Variants in INSC observed in about 807,000 individuals in gnomAD.
INSC encodes the protein protein inscuteable homolog.
Under a neutral mutation model 58.6 loss-of-function variants are expected in INSC, and 67 were observed. The ratio of observed to expected loss-of-function variants is 1.14; its 90% confidence interval spans 0.94 to 1.40. The LOEUF is 1.40. INSC is among the 40% of genes most tolerant of loss of function. The probability of loss-of-function intolerance (pLI) is 0.00; values close to 1 mark genes in which losing one functional copy is unlikely to be tolerated. For missense variants in INSC, 714 were observed against 692.0 expected (o/e 1.03, Z -0.36); for synonymous variants, 262 against 276.1 (o/e 0.95, Z 0.51).
intron 12 of INSC, among the ~76,000 whole-genome samples, chr11:15,242,152 C>T (rs998196596): frequency 6.6e-6 from 1 of 152,148 alleles, no homozygotes; most frequent in African/African-American, 2.4e-5. Context: ...TAATGATTGG[C>T]CCCAACTACC....
chr11:15,199,226 G>A (rs1488619628), intron 6 of INSC, among the ~76,000 whole-genome samples: 3 of 152,166 alleles, frequency 2.0e-5, no homozygotes, highest in African/African-American at 7.2e-5. Context: ...GAATGTACTA[G>A]CCCTAAGTTA....
chr11:15,238,057 T>C (rs1852198462), intron 10 of INSC, among the ~76,000 whole-genome samples: 1 of 152,074 alleles, frequency 6.6e-6, no homozygotes, highest in Admixed American at 6.6e-5. Flanking sequence ...GGGCAACAGC[T>C]CACACAGAAG....
intron 2 of INSC, among the ~76,000 whole-genome samples, chr11:15,153,063 A>G (rs1848702136): frequency 6.6e-6 from 1 of 152,178 alleles, no homozygotes; most frequent in Non-Finnish European, 1.5e-5. Flanking sequence ...TCTTCTATAA[A>G]TATTTATGGA....
chr11:15,167,152 T>C (rs1378474530), intron 2 of INSC, among the ~76,000 whole-genome samples: 1 of 152,132 alleles, frequency 6.6e-6, no homozygotes, highest in Non-Finnish European at 1.5e-5. Flanking sequence ...GTAGTTTAGT[T>C]TAAATGTGAG....
At chr11:15,223,136 C>T (rs933653661) in intron 8 of INSC, among the ~76,000 whole-genome samples, 1 of 152,194 alleles carries the variant, frequency 6.6e-6, no homozygotes, top group South Asian at 2.1e-4. Flanking sequence ...TGGTAAATTT[C>T]AGTTGATTGT....
chr11:15,253,017 C>T, the INSC span, among the ~76,000 whole-genome samples: 10 of 152,236 alleles, frequency 6.6e-5, no homozygotes, highest in African/African-American at 2.4e-4. Context: ...CTCTACTCCC[C>T]TCCACATCTC....
At chr11:15,157,703 A>G (rs767954274) in intron 2 of INSC, among the ~76,000 whole-genome samples, 2 of 152,218 alleles carry the variant, frequency 1.3e-5, no homozygotes, top group Non-Finnish European at 2.9e-5. Context: ...TTAATGAGCC[A>G]CAGTCCCTAG....
At chr11:15,180,686 G>T (rs1227989447) in intron 5 of INSC, among the ~76,000 whole-genome samples, 1 of 91,076 alleles carries the variant, frequency 1.1e-5, no homozygotes, top group Admixed American at 1.0e-4. Flanking sequence ...TAGGAGTGAG[G>T]GGGGGGGCGG....
chr11:15,238,130 G>T (rs1408455775), intron 10 of INSC, among the ~76,000 whole-genome samples: 12 of 151,996 alleles, frequency 7.9e-5, no homozygotes, highest in Non-Finnish European at 1.6e-4. Context: ...AGGGAAAATG[G>T]CATCCCTTGT....
At chr11:15,168,418 C>A (rs1849277067) in intron 2 of INSC, among the ~76,000 whole-genome samples, 1 of 152,150 alleles carries the variant, frequency 6.6e-6, no homozygotes, top group Non-Finnish European at 1.5e-5. Context: ...GCTTCCATAT[C>A]CATCCATGTC....
At chr11:15,221,675 C>T in intron 8 of INSC, 27 bp downstream of exon 8, 2 of 1,584,886 alleles carry the variant, frequency 1.3e-6, no homozygotes, top group Non-Finnish European at 1.7e-6. Flanking sequence ...AGCGGGACCA[C>T]TAGGAGAGAG....
At chr11:15,235,853 C>T (rs1056133098) in intron 10 of INSC, among the ~76,000 whole-genome samples, 185 bp downstream of exon 10, 1 of 151,804 alleles carries the variant, frequency 6.6e-6, no homozygotes, top group Non-Finnish European at 1.5e-5. Context: ...GTAAGGAGTT[C>T]GAGACCAGCC....
At chr11:15,167,675 G>A (rs574414198) in intron 2 of INSC, among the ~76,000 whole-genome samples, 4 of 151,856 alleles carry the variant, frequency 2.6e-5, no homozygotes, top group African/African-American at 9.7e-5. Flanking sequence ...TAGAGATGGG[G>A]GTATCGCTAT....
chr11:15,115,074 G>A, intron 1 of INSC, 71 bp downstream of exon 1: 1 of 942,682 alleles, frequency 1.1e-6, no homozygotes, highest in Non-Finnish European at 1.3e-6. Context: ...TGGGAACAGT[G>A]CAGGTTTGTC....
At position 15,178,457 on chromosome 11, in the gene INSC, G is replaced by A. The variant is rs771351645; in HGVS notation, c.579+10G>A. The A allele has an allele frequency of 2.5e-6, 4 of 1,607,242 alleles. No individual in the cohort carries two copies. In the Admixed American group the frequency reaches 6.7e-5, roughly 27 times the overall value. On this transcript the variant is annotated intron_variant, in intron 5 of 12. Coordinates refer to ENST00000379556, the MANE Select transcript of INSC (RefSeq NM_001042536.3). ...GACACGGGAGGTTCAGGTCAGTGCA[G>A]GCTGGGCTGCAGGGAGGGGTGCTTG...
intron 2 of INSC, among the ~76,000 whole-genome samples, chr11:15,155,040 A>G (rs925045751): frequency 2.0e-5 from 3 of 152,162 alleles, no homozygotes; most frequent in Non-Finnish European, 2.9e-5. Flanking sequence ...GAAGTATTCT[A>G]TGGTGGGGTT....
chr11:15,167,100 TCTA>T (rs1001645895), intron 2 of INSC, among the ~76,000 whole-genome samples: 2 of 151,152 alleles, frequency 1.3e-5, no homozygotes, highest in African/African-American at 4.9e-5. Context: ...TCTAATTCTG[TCTA>T]TTTTTTTTTT....
intron 7 of INSC, among the ~76,000 whole-genome samples, chr11:15,203,153 G>A (rs1170315808): frequency 6.6e-6 from 1 of 152,204 alleles, no homozygotes; most frequent in Non-Finnish European, 1.5e-5. Flanking sequence ...GTTAGAGCCA[G>A]AATTTGGACC....
rs542871750 is a variant in INSC at position 15,145,846 on chromosome 11, G to T, written c.-45-3284G>T. Among the ~76,000 whole-genome samples the T allele has an allele frequency of 5.9e-5, 9 of 152,308 alleles. No homozygotes were observed. The South Asian group carries it at 1.9e-3, about 32-fold the overall frequency. On this transcript the variant is annotated intron_variant, in intron 1 of 12. Coordinates refer to ENST00000379556, the MANE Select transcript of INSC (RefSeq NM_001042536.3). ...AGTAGGCAGTGCTGGTGAGAGGGAA[G>T]AGTGCTGGGCTGTCTGAGAAGGGCC... is the stretch of plus-strand genomic sequence containing the variant.
Sources: allele counts gnomAD v4.1 joint callset (sites outside exome capture counted in the v4.1 genomes callset), GRCh38; gene constraint gnomAD v4.1.1; transcripts MANE v1.5; gene names NCBI Gene and HGNC (gene_info 2026-07-23, HGNC 2026-07-21).